Variants in EDARADD observed in about 807,000 individuals in gnomAD.
EDARADD encodes ectodysplasin-A receptor-associated adapter protein.
EDARADD carries 20 observed loss-of-function variants against 25.6 expected under a neutral mutation model. That is an observed-to-expected ratio of 0.78 (90% CI 0.55 to 1.14). The LOEUF (loss-of-function observed/expected upper bound fraction) is 1.14. Among genes scored for constraint, EDARADD ranks in the 50% most tolerant of loss-of-function variants. The probability of loss-of-function intolerance (pLI) is 0.00; values close to 1 mark genes in which losing one functional copy is unlikely to be tolerated. For missense variants in EDARADD, 225 were observed against 270.1 expected, an observed-to-expected ratio of 0.83 and a Z score of 1.17; for synonymous variants, 86 against 94.4, an observed-to-expected ratio of 0.91 and a Z score of 0.52.
At chr1:236,438,581 G>A (rs756569084) in intron 4 of EDARADD, among the ~76,000 whole-genome samples, 1 of 152,162 alleles carries the variant, frequency 6.6e-6, no homozygotes, top group Non-Finnish European at 1.5e-5. Context: ...TTTATCCTCC[G>A]AGGGCTGATT....
rs2103043727 is a variant in EDARADD, at chr1:236,484,103, C to T, written c.*1454C>T. 1.9e-6 allele frequency: 3 copies of T among 1,572,718 alleles called. No individual in the cohort carries two copies. In the South Asian group the frequency reaches 3.3e-5, roughly 17 times the overall value. On this transcript the variant is annotated 3_prime_UTR_variant, in exon 6 of 6. Coordinates refer to ENST00000334232, the MANE Select transcript of EDARADD (RefSeq NM_145861.4). The surrounding 1 kb of genome is among the most constrained non-coding windows in gnomAD (Gnocchi z 4.1). ...AGAAGTTCACGGCCAGTGCAGGAAT[C>T]CAGGTAGTGGAGGATGATCTCAGAG...
At chr1:236,463,175 T>C (rs1433642381) in intron 4 of EDARADD, among the ~76,000 whole-genome samples, 1 of 152,274 alleles carries the variant, frequency 6.6e-6, no homozygotes, top group Admixed American at 6.5e-5. Context: ...ATAGTGTTTG[T>C]ATCGTGTCAC....
chr1:236,410,701 A>G (rs1389029767), intron 2 of EDARADD, among the ~76,000 whole-genome samples: 1 of 152,224 alleles, frequency 6.6e-6, no homozygotes, highest in East Asian at 1.9e-4. Context: ...GGGATCTACC[A>G]ACTCATGAAA....
At chr1:236,464,424 T>TA (rs1659129224) in intron 4 of EDARADD, among the ~76,000 whole-genome samples, 1 of 39,574 alleles carries the variant, frequency 2.5e-5, no homozygotes, top group Non-Finnish European at 4.8e-5. Flanking sequence ...TTGCTGCAAC[T>TA]TTTTTTTTTT....
rs537425556 is a variant in EDARADD at position 236,483,967 on chromosome 1, C to T, written c.*1318C>T. 15 of 1,361,620 alleles carry T rather than the reference C, an allele frequency of 1.1e-5. No homozygotes were observed. The African/African-American group carries it at 2.1e-4, about 19-fold the overall frequency. 84.3% of individuals were successfully genotyped at this position (1,361,620 alleles called of 1,614,324 possible). On this transcript the variant is annotated 3_prime_UTR_variant, in exon 6 of 6. Transcript: ENST00000334232. ...GAATTCAAGTTTCTCGACGACCCCACCAGGTACATCTCACCTGACTGTCTG... is the reference window on the plus strand; with the variant it reads ...GAATTCAAGTTTCTCGACGACCCCATCAGGTACATCTCACCTGACTGTCTG...
chr1:236,428,445 C>T (rs908759678), intron 4 of EDARADD, among the ~76,000 whole-genome samples: 1 of 152,330 alleles, frequency 6.6e-6, no homozygotes, highest in Admixed American at 6.5e-5. Flanking sequence ...TTCGACAAAA[C>T]CGCCATCGTC....
chr1:236,393,759 G>T (rs1478527993), upstream of EDARADD, among the ~76,000 whole-genome samples: 3 of 152,132 alleles, frequency 2.0e-5, no homozygotes, highest in Non-Finnish European at 4.4e-5. Flanking sequence ...AATAAAAGTT[G>T]AAGGACATTG....
At chr1:236,475,462 G>T (rs1426556476) in intron 5 of EDARADD, among the ~76,000 whole-genome samples, 1 of 152,124 alleles carries the variant, frequency 6.6e-6, no homozygotes, top group Non-Finnish European at 1.5e-5. Flanking sequence ...TTTGTCACTT[G>T]TGTTATTGAA....
chr1:236,359,738 A>G (rs1353455928), intron 3 of EDARADD, among the ~76,000 whole-genome samples: 1 of 152,158 alleles, frequency 6.6e-6, no homozygotes, highest in Non-Finnish European at 1.5e-5. Context: ...AGATCTCATG[A>G]GACTTACTCA....
chr1:236,438,169 T>C (rs768423120), intron 4 of EDARADD, among the ~76,000 whole-genome samples: 1 of 152,214 alleles, frequency 6.6e-6, no homozygotes, highest in East Asian at 1.9e-4. Flanking sequence ...GCCAGTCATA[T>C]TGAGTTAGGG....
At chr1:236,431,927 CAAA>C (rs1170622280) in intron 4 of EDARADD, among the ~76,000 whole-genome samples, 1 of 17,992 alleles carries the variant, frequency 5.6e-5, no homozygotes, top group Non-Finnish European at 2.5e-4. Flanking sequence ...GACTCCGTCT[CAAA>C]AAAAAAAAAA....
intron 4 of EDARADD, among the ~76,000 whole-genome samples, chr1:236,456,528 C>T (rs905474737): frequency 3.3e-5 from 5 of 152,102 alleles, no homozygotes; most frequent in Admixed American, 6.6e-5. Context: ...TTCCCTTCCT[C>T]GGCCTGTGAC....
chr1:236,449,563 C>A (rs1658653413), intron 4 of EDARADD, among the ~76,000 whole-genome samples: 1 of 152,226 alleles, frequency 6.6e-6, no homozygotes, highest in Non-Finnish European at 1.5e-5. Context: ...CCAGCCTCCA[C>A]TGTCATGAAT....
At chr1:236,376,632 A>T (rs1667228731) in intron 3 of EDARADD, among the ~76,000 whole-genome samples, 1 of 152,084 alleles carries the variant, frequency 6.6e-6, no homozygotes, top group South Asian at 2.1e-4. Flanking sequence ...TTTGAACATG[A>T]TATGCCTACA....
At chr1:236,380,046 T>G (rs1016758407) in intron 3 of EDARADD, among the ~76,000 whole-genome samples, 1 of 152,232 alleles carries the variant, frequency 6.6e-6, no homozygotes, top group Non-Finnish European at 1.5e-5. Context: ...TCTGAGCTGC[T>G]GTTTGCCTTT....
intron 4 of EDARADD, among the ~76,000 whole-genome samples, chr1:236,454,878 G>T (rs2103028822): frequency 6.6e-6 from 1 of 152,300 alleles, no homozygotes; most frequent in African/African-American, 2.4e-5. Flanking sequence ...AAAGCTACTG[G>T]AACAAAACTG....
chr1:236,377,653 A>T (rs1186380417), intron 3 of EDARADD, among the ~76,000 whole-genome samples: 10 of 151,064 alleles, frequency 6.6e-5, no homozygotes, highest in Admixed American at 5.3e-4. Context: ...AGGTCAAGAA[A>T]TCGAGACCAT....
At chr1:236,447,155 TCC>T (rs1398826900) in intron 4 of EDARADD, among the ~76,000 whole-genome samples, 234 of 21,814 alleles carry the variant, frequency 0.011, 4 homozygotes, top group African/African-American at 0.022. Context: ...CCTTCCTTCC[TCC>T]CTCCCTCCCT....
intron 1 of EDARADD, 90 bp downstream of exon 1, chr1:236,394,595 T>C (rs1667481654): frequency 9.1e-7 from 1 of 1,096,114 alleles, no homozygotes; most frequent in Non-Finnish European, 1.3e-6. Context: ...GGATATATTA[T>C]ACACTAAATA....
Sources: allele counts gnomAD v4.1 joint callset (sites outside exome capture counted in the v4.1 genomes callset), GRCh38; gene constraint gnomAD v4.1.1; non-coding constraint Gnocchi (gnomAD v3.1); transcripts MANE v1.5; gene names NCBI Gene and HGNC (gene_info 2026-07-23, HGNC 2026-07-21).